The following GCKR variants were observed in gnomAD, a reference collection of about 807,000 sequenced individuals.
The protein encoded by GCKR is glucokinase regulator, also known as glucokinase regulatory protein.
Under a neutral mutation model 82.9 loss-of-function variants are expected in GCKR, and 73 were observed. That is an observed-to-expected ratio of 0.88 (90% CI 0.73 to 1.07). GCKR has a LOEUF of 1.07. Among genes scored for constraint, GCKR ranks in the 50% least tolerant of loss-of-function variants. The pLI is 0.00. For synonymous variants in GCKR, 294 were observed against 291.8 expected (o/e 1.01, Z -0.08); for missense variants, 784 against 782.1 (o/e 1.00, Z -0.03).
At position 27,508,269 on chromosome 2, in the gene GCKR, G is replaced by T. The variant is rs1315235237; in HGVS notation, c.1422+18G>T. On this transcript the variant is annotated intron_variant, in intron 16 of 18. Coordinates refer to ENST00000264717, the MANE Select transcript of GCKR (RefSeq NM_001486.4). ...TCATCCAGGTATGGGGAATGAGAAG[G>T]TCCTATCTGCAGTAAGGGGCTCAGA... 1.3e-5 allele frequency: 19 copies of T among 1,472,580 alleles called. No individual in the cohort carries two copies. Among genetic ancestry groups the T allele is most frequent in the Non-Finnish European group, 1.8e-5 (19 of 1,050,940 alleles). The allele number at this position is 1,472,580 out of a possible 1,614,324, so 91.2% of individuals were successfully genotyped here.
At position 27,508,267 on chromosome 2, in the gene GCKR, A is replaced by G; in HGVS notation, c.1422+16A>G. ...CTTCATCCAGGTATGGGGAATGAGA[A>G]GGTCCTATCTGCAGTAAGGGGCTCA... On this transcript the variant is annotated intron_variant, in intron 16 of 18. Coordinates refer to ENST00000264717, the MANE Select transcript of GCKR (RefSeq NM_001486.4). 6.7e-7 allele frequency: 1 copy of G among 1,484,584 alleles called. No individual in the cohort carries two copies. Among genetic ancestry groups the G allele is most frequent in the Non-Finnish European group, 9.4e-7 (1 of 1,061,720 alleles). 92.0% of individuals were successfully genotyped at this position (1,484,584 alleles called of 1,614,324 possible).
intron 8 of GCKR, 91 bp downstream of exon 8, chr2:27,501,320 T>C: frequency 2.3e-6 from 2 of 856,954 alleles, no homozygotes; most frequent in Non-Finnish European, 2.0e-6. Context: ...AGAGAACAGA[T>C]AGTCTTGTTC....
At chr2:27,506,339 G>T in intron 10 of GCKR, 142 bp from the exon 11 acceptor site, 1 of 725,634 alleles carries the variant, frequency 1.4e-6, no homozygotes, top group Non-Finnish European at 2.5e-6. Context: ...AACGCAGTCT[G>T]GGCCTACTCT....
intron 8 of GCKR, chr2:27,501,582 G>T: frequency 2.5e-6 from 1 of 399,710 alleles, no homozygotes. Context: ...TCATATGGGG[G>T]TGAGCCCCAA....
At chr2:27,499,259 A>C in intron 6 of GCKR, 51 bp downstream of exon 6, 1 of 1,429,446 alleles carries the variant, frequency 7.0e-7, no homozygotes, top group Non-Finnish European at 9.9e-7. Flanking sequence ...GTTCCTTCTC[A>C]TGGGGACATA....
At chr2:27,509,132 G>A (rs1365438018) in intron 16 of GCKR, among the ~76,000 whole-genome samples, 20 of 152,048 alleles carry the variant, frequency 1.3e-4, no homozygotes, top group Admixed American at 1.1e-3. Flanking sequence ...TACACCACCT[G>A]CCCACCCTCC....
At chr2:27,499,304 C>T in intron 6 of GCKR, 93 bp from the exon 7 acceptor site, 1 of 1,344,940 alleles carries the variant, frequency 7.4e-7, no homozygotes, top group Non-Finnish European at 1.1e-6. Flanking sequence ...CTATTTCCTC[C>T]CTCCCCTGTT....
intron 16 of GCKR, among the ~76,000 whole-genome samples, chr2:27,517,517 T>C (rs1379788679): frequency 6.6e-6 from 1 of 152,100 alleles, no homozygotes; most frequent in African/African-American, 2.4e-5. Context: ...AAGAACAGCA[T>C]GGGGGAACGC....
At position 27,506,809 on chromosome 2, in the gene GCKR, G is replaced by C; in HGVS notation, c.990G>C (p.Val330=). 2.5e-6 allele frequency: 4 copies of C among 1,612,742 alleles called. No individual in the cohort carries two copies. Among genetic ancestry groups the C allele is most frequent in the Non-Finnish European group, 3.4e-6 (4 of 1,178,686 alleles). The part of the protein sequence containing the change: ...VSTSLEKKGH[V]YLVGWQTLGI... ...TCAGTCTGGAGAAGAAAGGCCACGT[G>C]TACCTGGTTGGCTGGCAGACCCTGG... The change falls in exon 12 of 19, where the codon GTG becomes GTC. Residue 330 remains valine (V), a synonymous_variant. Transcript: ENST00000264717.
At chr2:27,523,028 G>A (rs577644222) in intron 18 of GCKR, among the ~76,000 whole-genome samples, 1 of 152,060 alleles carries the variant, frequency 6.6e-6, no homozygotes, top group African/African-American at 2.4e-5. Context: ...CTCCCAAATA[G>A]CTGGGATTAC....
chr2:27,519,036 C>G, intron 17 of GCKR, 99 bp downstream of exon 17: 1 of 1,098,130 alleles, frequency 9.1e-7, no homozygotes, highest in Non-Finnish European at 1.4e-6. Context: ...TGCAAGGGTA[C>G]AGGCTGCCTT....
Position 27,522,487 on chromosome 2 carries a change from T to A in GCKR, c.1600T>A (p.Cys534Ser). The change falls in exon 18 of 19, where the codon TGC (cysteine) becomes AGC (serine). Residue 534 changes from cysteine (C) to serine (S), a missense_variant. Cys to Ser is a moderately radical substitution (Grantham distance 112). Transcript: ENST00000264717. ...GTTCTCTGGACAGTCCAAGGCTCGATGCATCGAGAGCCTCCTCCGAGCGAT... is the reference window on the plus strand; with the variant it reads ...GTTCTCTGGACAGTCCAAGGCTCGAAGCATCGAGAGCCTCCTCCGAGCGAT... ...QRFSGQSKAR[C>S]IESLLRAIHF... 3 of 1,613,768 alleles carry A rather than the reference T, an allele frequency of 1.9e-6. No individual in the cohort carries two copies. The highest frequency in any genetic ancestry group is 2.5e-6 in the Non-Finnish European group (3 of 1,179,660).
At chr2:27,518,151 T>C (rs559460889) in intron 16 of GCKR, among the ~76,000 whole-genome samples, 1 of 152,202 alleles carries the variant, frequency 6.6e-6, no homozygotes, top group Non-Finnish European at 1.5e-5. Flanking sequence ...GTTCAAGTGA[T>C]TCTTGTGCCT....
Position 27,505,683 on chromosome 2 carries a change from C to T in GCKR, c.751-35C>T, listed in dbSNP as rs1474249216. ...AAGTGGTCTACGGGGTCTTCATCCT[C>T]TCCCAATTCCTCTTGGGTGTCTTCA... is the stretch of plus-strand genomic sequence containing the variant. On this transcript the variant is annotated intron_variant, in intron 9 of 18. Coordinates refer to ENST00000264717, the MANE Select transcript of GCKR (RefSeq NM_001486.4). 5.1e-6 allele frequency: 6 copies of T among 1,167,156 alleles called. No individual in the cohort carries two copies. The African/African-American group carries it at 6.0e-5, about 12-fold the overall frequency. 72.3% of individuals were successfully genotyped at this position (1,167,156 alleles called of 1,614,324 possible).
At chr2:27,514,132 TG>T (rs1669949349) in intron 16 of GCKR, among the ~76,000 whole-genome samples, 1 of 151,830 alleles carries the variant, frequency 6.6e-6, no homozygotes, top group African/African-American at 2.4e-5. Flanking sequence ...GGTGTGTCTT[TG>T]CCTCTAAGCC....
chr2:27,509,634 G>A (rs1669832412), intron 16 of GCKR: 2 of 314,036 alleles, frequency 6.4e-6, no homozygotes, highest in Admixed American at 3.0e-5. Flanking sequence ...GAGCCACTAC[G>A]CCTAGCCAAA....
chr2:27,498,223 C>G (rs1028009062), intron 3 of GCKR, 32 bp from the exon 4 acceptor site: 1 of 1,534,062 alleles, frequency 6.5e-7, no homozygotes, highest in Admixed American at 1.7e-5. Context: ...CTGAGCCAGG[C>G]CCTGGTAATA....
At chr2:27,523,206 G>C in intron 18 of GCKR, 63 bp from the exon 19 acceptor site, 2 of 1,441,260 alleles carry the variant, frequency 1.4e-6, no homozygotes, top group Non-Finnish European at 1.9e-6. Flanking sequence ...ACCTTCCTCC[G>C]GGGTTCTTTC....
chr2:27,507,707 G>A lies in GCKR; in HGVS notation c.1170G>A (p.Glu390=), dbSNP rs1156517201. The A allele has an allele frequency of 6.2e-7, 1 of 1,607,090 alleles. No individual in the cohort carries two copies. ...GTCCCCAGTTCACCTTCTCCCAGGA[G>A]GACTTCCTGACTTCCATCCTTCCCT... ...NQGPQFTFSQ[E]DFLTSILPSL... The change falls in exon 14 of 19, where the codon GAG becomes GAA. Residue 390 remains glutamate (E), a synonymous_variant. Transcript: ENST00000264717.
Sources: gnomAD v4.1 joint callset for allele counts (sites outside exome capture counted in the v4.1 genomes callset) on GRCh38, gnomAD v4.1.1 for gene constraint, MANE v1.5 for transcripts, NCBI Gene and HGNC (gene_info 2026-07-23, HGNC 2026-07-21) for gene names.